The following ZNF20 variants were observed in gnomAD, a reference collection of about 807,000 sequenced individuals.
ZNF20 encodes the protein zinc finger protein 20, also known as zinc finger protein KOX13.
ZNF20 carries 9 observed loss-of-function variants against 11.0 expected under a neutral mutation model. That is an observed-to-expected ratio of 0.82 (90% CI 0.49 to 1.43). ZNF20 has a LOEUF of 1.43. ZNF20 is among the 40% of genes most tolerant of loss of function. The pLI is 0.00. For missense variants in ZNF20, 528 were observed against 640.8 expected, an observed-to-expected ratio of 0.82 and a Z score of 1.90; for synonymous variants, 182 against 213.0, an observed-to-expected ratio of 0.85 and a Z score of 1.27.
chr19:12,133,950 CTT>C lies in ZNF20; in HGVS notation c.234_235del (p.His80SerfsTer12), dbSNP rs780829922. Reference sequence around the variant, plus strand: ...GTTGAAGCTTTCTCCACAGTGATGACTTTCTTTACTTTCACAGAGTTTCTCTC... The same window carrying C: ...GTTGAAGCTTTCTCCACAGTGATGACTCTTTACTTTCACAGAGTTTCTCTC... On this transcript the variant is annotated frameshift_variant, in exon 4 of 4. Transcript: ENST00000334213. LOFTEE classifies it low-confidence loss of function (END_TRUNC). The C allele has an allele frequency of 6.2e-7, 1 of 1,610,344 alleles. No individual in the cohort carries two copies. The highest frequency in any genetic ancestry group is 1.1e-5 in the South Asian group (1 of 90,494).
In ZNF20 at chr19:12,132,737, G is replaced by A. The variant is rs573101951; in HGVS notation, c.1449C>T (p.His483=). The change falls in exon 4 of 4, where the codon CAC becomes CAT. Residue 483 remains histidine, a synonymous_variant. Transcript: ENST00000334213. ...AATTGGAAATAAAGGCCTTACCACA[G>A]TGCTTACATTCATAGGGTTTCTCTC... The part of the protein sequence containing the change: ...HTGEKPYECK[H]CGKAFISNYI... The A allele has an allele frequency of 1.1e-5, 17 of 1,613,632 alleles. No homozygotes were observed. The highest frequency in any genetic ancestry group is 1.4e-5 in the Non-Finnish European group (17 of 1,179,906).
chr19:12,132,462 G>GC lies in ZNF20; in HGVS notation c.*124dup. ...TTCTTCTAGATTTTATTGTCCTATC[G>GC]CAAGTCTCTCTTCTCAATTCAAAAA... On this transcript the variant is annotated 3_prime_UTR_variant, in exon 4 of 4. Coordinates refer to ENST00000334213, the MANE Select transcript of ZNF20 (RefSeq NM_021143.4). The GC allele has an allele frequency of 2.1e-6, 2 of 957,992 alleles. No individual in the cohort carries two copies. Among genetic ancestry groups the GC allele is most frequent in the Non-Finnish European group, 3.1e-6 (2 of 644,808 alleles). 59.3% of individuals were successfully genotyped at this position (957,992 alleles called of 1,614,324 possible).
rs369994073 is a variant in ZNF20, at chr19:12,140,166, C to A, written c.3+14G>T. On this transcript the variant is annotated intron_variant, in intron 1 of 3. Coordinates refer to ENST00000334213, the MANE Select transcript of ZNF20 (RefSeq NM_021143.4). ...CCCCTCCCCCGTCTGGGGACTCCGG[C>A]CCCATACACTCACCATTTCCCGGCT... The A allele has an allele frequency of 3.1e-6, 5 of 1,600,520 alleles. No individual in the cohort carries two copies. The highest frequency in any genetic ancestry group is 1.7e-5 in the Admixed American group (1 of 57,848).
chr19:12,132,992 C>T lies in ZNF20; in HGVS notation c.1194G>A (p.Lys398=). ...THSGEKPHEC[K]ECGKVFKYFS... Reference sequence around the variant, plus strand: ...AATACTTGAATACTTTTCCACATTCCTTACATTCATGGGGTTTCTCTCCAC... The same window carrying T: ...AATACTTGAATACTTTTCCACATTCTTTACATTCATGGGGTTTCTCTCCAC... The change falls in exon 4 of 4, where the codon AAG becomes AAA. Residue 398 remains lysine (K), a synonymous_variant. Transcript: ENST00000334213. 1.2e-6 allele frequency: 2 copies of T among 1,614,022 alleles called. No homozygotes were observed. The highest frequency in any genetic ancestry group is 1.7e-6 in the Non-Finnish European group (2 of 1,179,960).
At position 12,133,969 on chromosome 19, in the gene ZNF20, G is replaced by A. The variant is rs1440972241; in HGVS notation, c.217C>T (p.Leu73Phe). The A allele has an allele frequency of 2.5e-6, 4 of 1,606,954 alleles. No homozygotes were observed. Among genetic ancestry groups the A allele is most frequent in the African/African-American group, 2.7e-5 (2 of 74,556 alleles). ...TGATGACTTTCTTTACTTTCACAGA[G>A]TTTCTCTCTCATAAGACTTCAGTGA... ...RRNLSLMREK[L>F]CESKESHHCG... The change falls in exon 4 of 4, where the codon CTC (leucine) becomes TTC (phenylalanine). Residue 73 changes from leucine (L) to phenylalanine (F), a missense_variant. Coordinates refer to ENST00000334213, the MANE Select transcript of ZNF20 (RefSeq NM_021143.4).
chr19:12,133,009 T>C lies in ZNF20; in HGVS notation c.1177A>G (p.Lys393Glu). 1 of 1,614,124 alleles carries C rather than the reference T, an allele frequency of 6.2e-7. No homozygotes were observed. ...QIHERTHSGEKPHECKECGKV... is the reference protein window; with the variant it reads ...QIHERTHSGEEPHECKECGKV... ...CCACATTCCTTACATTCATGGGGTT[T>C]CTCTCCACTGTGCGTCCTTTCATGA... Residue 393 changes from lysine (K) to glutamate (E), a missense_variant, in exon 4 of 4, where the codon AAA (lysine) becomes GAA (glutamate). Coordinates refer to ENST00000334213, the MANE Select transcript of ZNF20 (RefSeq NM_021143.4).
intron 1 of ZNF20, 34 bp downstream of exon 1, chr19:12,140,146 C>A: frequency 6.3e-7 from 1 of 1,592,488 alleles, no homozygotes; most frequent in African/African-American, 1.3e-5. Context: ...CCCAGCCCCT[C>A]CCCCGTCTGG....
chr19:12,138,351 CAGG>C (rs1156243289), intron 1 of ZNF20, among the ~76,000 whole-genome samples: 2 of 149,868 alleles, frequency 1.3e-5, no homozygotes, highest in African/African-American at 4.9e-5. Context: ...AGACTGAGGG[CAGG>C]AGAATCACCT....
chr19:12,133,759 A>G lies in ZNF20; in HGVS notation c.427T>C (p.Tyr143His), dbSNP rs774426305. The change falls in exon 4 of 4, where the codon TAT becomes CAT. Residue 143 changes from tyrosine to histidine, a missense_variant. Coordinates refer to ENST00000334213, the MANE Select transcript of ZNF20 (RefSeq NM_021143.4). The part of the protein sequence containing the change: ...SEYQEYGENP[Y>H]RNKECKKAFS... ...GCTTTCTTACATTCCTTATTTCTATATGGATTCTCTCCATATTCCTGATAC... is the reference window on the plus strand; with the variant it reads ...GCTTTCTTACATTCCTTATTTCTATGTGGATTCTCTCCATATTCCTGATAC... 5 of 1,614,188 alleles carry G rather than the reference A, an allele frequency of 3.1e-6. No individual in the cohort carries two copies. The highest frequency in any genetic ancestry group is 4.2e-6 in the Non-Finnish European group (5 of 1,180,022).
chr19:12,134,093 G>C (rs1332779235), intron 3 of ZNF20, 108 bp from the exon 4 acceptor site: 2 of 920,986 alleles, frequency 2.2e-6, no homozygotes, highest in East Asian at 5.4e-5. Context: ...GGAGGCTGAG[G>C]TGGGCAGATC....
rs1976636172 is a variant in ZNF20 at position 12,132,393 on chromosome 19, T to C, written c.*194A>G. 1.8e-6 allele frequency: 1 copy of C among 562,344 alleles called. No individual in the cohort carries two copies. The highest frequency in any genetic ancestry group is 3.1e-5 in the East Asian group (1 of 32,658). The allele number at this position is 562,344 out of a possible 1,614,324, so 34.8% of individuals were successfully genotyped here. A position where few individuals can be genotyped will look rare whatever the true frequency, so the allele number is the denominator to read the frequency against. The stretch of plus-strand genomic sequence containing the variant: ...CCTTTTCTGTGCCTTTGAAATCTCA[T>C]GCAAGATTGGCTATAGGTGAATTGT... On this transcript the variant is annotated 3_prime_UTR_variant, in exon 4 of 4. Coordinates refer to ENST00000334213, the MANE Select transcript of ZNF20 (RefSeq NM_021143.4).
chr19:12,136,341 A>G (rs953366311), intron 1 of ZNF20, among the ~76,000 whole-genome samples: 1 of 151,358 alleles, frequency 6.6e-6, no homozygotes, highest in Non-Finnish European at 1.5e-5. Context: ...GCGTCACTGC[A>G]CTCCGGCCTG....
intron 3 of ZNF20, 64 bp from the exon 4 acceptor site, chr19:12,134,049 C>T (rs924238943): frequency 3.0e-5 from 41 of 1,369,738 alleles, no homozygotes; most frequent in Middle Eastern, 2.0e-4. Flanking sequence ...TAGGGCCGGG[C>T]ACAGTGGCTC....
intron 1 of ZNF20, 120 bp downstream of exon 1, chr19:12,140,060 A>G: frequency 7.5e-7 from 1 of 1,329,238 alleles, no homozygotes; most frequent in South Asian, 1.3e-5. Context: ...GCTGAGACAG[A>G]GGGATTCGGG....
At chr19:12,140,138 C>G in intron 1 of ZNF20, 42 bp downstream of exon 1, 1 of 1,587,170 alleles carries the variant, frequency 6.3e-7, no homozygotes, top group Non-Finnish European at 8.6e-7. Flanking sequence ...CGGTTCCACC[C>G]AGCCCCTCCC....
At chr19:12,135,063 T>G (rs1377563241) in intron 3 of ZNF20, among the ~76,000 whole-genome samples, 1 of 152,166 alleles carries the variant, frequency 6.6e-6, no homozygotes, top group South Asian at 2.1e-4. Context: ...TTTAAACATA[T>G]GTTTTTAGGA....
Position 12,133,633 on chromosome 19 carries a change from A to C in ZNF20, c.553T>G (p.Cys185Gly). The C allele has an allele frequency of 1.9e-6, 3 of 1,614,248 alleles. No individual in the cohort carries two copies. The change falls in exon 4 of 4, where the codon TGC (cysteine) becomes GGC (glycine). Residue 185 changes from cysteine (C) to glycine (G), a missense_variant. Coordinates refer to ENST00000334213, the MANE Select transcript of ZNF20 (RefSeq NM_021143.4). ...ECTETFISHS[C>G]IQRHRVMHSG... The stretch of plus-strand genomic sequence containing the variant: ...TGCATTACCCTGTGTCTTTGAATGC[A>C]TGAATGGGAAATGAAGGTTTCTGTA...
chr19:12,136,872 G>A, intron 1 of ZNF20: 1 of 445,978 alleles, frequency 2.2e-6, no homozygotes, highest in Non-Finnish European at 4.5e-6. Context: ...GGGACAGATG[G>A]TTACCTACAG....
At chr19:12,140,101 C>G in intron 1 of ZNF20, 79 bp downstream of exon 1, 1 of 1,538,888 alleles carries the variant, frequency 6.5e-7, no homozygotes, top group East Asian at 2.4e-5. Context: ...GCGAGGAGGC[C>G]CAGATCCCAC....
Sources: gnomAD v4.1 joint callset for allele counts (sites outside exome capture counted in the v4.1 genomes callset) on GRCh38, gnomAD v4.1.1 for gene constraint, MANE v1.5 for transcripts, NCBI Gene and HGNC (gene_info 2026-07-23, HGNC 2026-07-21) for gene names.